The following DNM3 variants were observed in gnomAD, a reference collection of about 807,000 sequenced individuals.
DNM3 encodes dynamin 3.
Under a neutral mutation model 101.6 loss-of-function variants are expected in DNM3, and 47 were observed. The observed-to-expected ratio is 0.46, with a 90% CI of 0.37 to 0.59. DNM3 has a LOEUF of 0.59. Ranked by LOEUF, DNM3 falls within the 20% of genes least tolerant of loss-of-function variation. DNM3 has a pLI of 0.00. For missense variants in DNM3, 849 were observed against 1,085.7 expected (o/e 0.78, Z 3.06); for synonymous variants, 385 against 387.9 (o/e 0.99, Z 0.09).
chr1:172,213,854 A>T (rs946332108), intron 14 of DNM3, among the ~76,000 whole-genome samples: 5 of 152,032 alleles, frequency 3.3e-5, no homozygotes, highest in Non-Finnish European at 7.4e-5. Context: ...TATTGGCATC[A>T]GAGAAATTAA....
chr1:172,148,636 T>C (rs1341802712), intron 14 of DNM3, among the ~76,000 whole-genome samples: 2 of 152,138 alleles, frequency 1.3e-5, no homozygotes, highest in African/African-American at 4.8e-5. Flanking sequence ...AAGCAGGATC[T>C]AACCAAGTTG....
chr1:171,849,435 C>G lies in DNM3; in HGVS notation c.161+7618C>G, dbSNP rs12039068. 4.1e-4 allele frequency among the ~76,000 whole-genome samples: 63 copies of G among 152,300 alleles called. 1 individual carries two copies. The East Asian group carries it at 0.012, about 28-fold the overall frequency. On this transcript the variant is annotated intron_variant, in intron 1 of 20. Transcript: ENST00000627582. ...AGTATGCATTCAATAACTGATTGCTCTTAATTTAAATCTTTTATTTAGACT... is the reference window on the plus strand; with the variant it reads ...AGTATGCATTCAATAACTGATTGCTGTTAATTTAAATCTTTTATTTAGACT...
At chr1:172,021,013 C>T (rs1039191337) in intron 4 of DNM3, among the ~76,000 whole-genome samples, 8 of 152,192 alleles carry the variant, frequency 5.3e-5, no homozygotes, top group African/African-American at 1.9e-4. Flanking sequence ...TCACCTGTCT[C>T]TCCAAATTTT....
At chr1:172,365,240 C>T (rs1176201718) in intron 17 of DNM3, among the ~76,000 whole-genome samples, 1 of 151,784 alleles carries the variant, frequency 6.6e-6, no homozygotes, top group Non-Finnish European at 1.5e-5. Context: ...TAGGATTATA[C>T]ACTGAAATAT....
chr1:172,032,926 C>T (rs1157883595), intron 5 of DNM3, among the ~76,000 whole-genome samples, 179 bp from the exon 6 acceptor site: 4 of 152,050 alleles, frequency 2.6e-5, no homozygotes, highest in African/African-American at 9.7e-5. Context: ...TTATCGTGGG[C>T]TCAATCAGCA....
chr1:172,031,839 A>G (rs1404217199), intron 4 of DNM3, among the ~76,000 whole-genome samples: 2 of 152,014 alleles, frequency 1.3e-5, no homozygotes, highest in Non-Finnish European at 2.9e-5. Context: ...ATTAAATCAT[A>G]TTTCCTTTTC....
intron 4 of DNM3, among the ~76,000 whole-genome samples, chr1:171,994,717 CT>C (rs200447773): frequency 0.31 from 44,888 of 145,446 alleles, 9,795 homozygotes; most frequent in African/African-American, 0.64. Flanking sequence ...TTCTTTCTTT[CT>C]TTTTTTTTTT....
intron 17 of DNM3, among the ~76,000 whole-genome samples, chr1:172,344,956 A>G (rs960226078): frequency 1.6e-4 from 24 of 152,222 alleles, no homozygotes; most frequent in Non-Finnish European, 1.9e-4. Context: ...TATTCCATTA[A>G]GCATACTAGT....
intron 20 of DNM3, among the ~76,000 whole-genome samples, chr1:172,404,361 C>T (rs1455761278): frequency 6.6e-6 from 1 of 151,778 alleles, no homozygotes; most frequent in African/African-American, 2.4e-5. Context: ...GAAAAAAATA[C>T]AATACTATGA....
At chr1:171,982,554 C>G (rs893050769) in intron 2 of DNM3, among the ~76,000 whole-genome samples, 2 of 152,022 alleles carry the variant, frequency 1.3e-5, no homozygotes, top group Non-Finnish European at 2.9e-5. Flanking sequence ...ATAGGCTGGG[C>G]AGGTCTGAAC....
rs565477922 is a variant in DNM3, at chr1:172,317,512, A to G, written c.1882-5817A>G. 3.3e-4 allele frequency among the ~76,000 whole-genome samples: 51 copies of G among 152,300 alleles called. No individual in the cohort carries two copies. The East Asian group carries it at 7.9e-3, about 24-fold the overall frequency. On this transcript the variant is annotated intron_variant, in intron 16 of 20. Transcript: ENST00000627582. ...ACTAGCAAGACTAATAAAGAAAAAA[A>G]GAGAGAAGAATCAAATAGACGCAAT...
chr1:171,911,732 T>C (rs1244679520), intron 1 of DNM3, among the ~76,000 whole-genome samples: 2 of 152,180 alleles, frequency 1.3e-5, no homozygotes, highest in South Asian at 4.1e-4. Context: ...GCCCCATTTC[T>C]TCATCTGAAG....
intron 14 of DNM3, among the ~76,000 whole-genome samples, chr1:172,153,672 A>G (rs1182595749): frequency 6.6e-6 from 1 of 151,934 alleles, no homozygotes; most frequent in Non-Finnish European, 1.5e-5. Flanking sequence ...AATTGAGGTT[A>G]TTGGTAAAAA....
chr1:172,059,442 C>T (rs1252636198), intron 10 of DNM3, among the ~76,000 whole-genome samples: 2 of 113,906 alleles, frequency 1.8e-5, no homozygotes, highest in East Asian at 5.6e-4. Flanking sequence ...TGCAAAAATC[C>T]TCAATAAAAT....
chr1:172,061,974 C>T (rs550163805), intron 10 of DNM3, among the ~76,000 whole-genome samples: 134 of 152,120 alleles, frequency 8.8e-4, no homozygotes, highest in Non-Finnish European at 1.7e-3. Flanking sequence ...GGCTTTAGTG[C>T]CCAGGCTTCG....
At chr1:172,267,644 A>G (rs12135937) in intron 15 of DNM3, among the ~76,000 whole-genome samples, 1 of 151,880 alleles carries the variant, frequency 6.6e-6, no homozygotes, top group African/African-American at 2.4e-5. Flanking sequence ...TGCTTTGTAG[A>G]TAGCTACACT....
chr1:172,014,940 T>C (rs1158812698), intron 4 of DNM3, among the ~76,000 whole-genome samples: 1 of 152,154 alleles, frequency 6.6e-6, no homozygotes, highest in African/African-American at 2.4e-5. Context: ...ATTACCCACC[T>C]TGAGTTAATT....
intron 4 of DNM3, among the ~76,000 whole-genome samples, chr1:172,021,470 A>C (rs140690941): frequency 0.015 from 2,346 of 152,342 alleles, 31 homozygotes; most frequent in Non-Finnish European, 0.027. Context: ...AAAACAAAAC[A>C]AAACCAAAAC....
chr1:172,387,452 T>A, intron 19 of DNM3, 93 bp downstream of exon 19: 2 of 1,006,054 alleles, frequency 2.0e-6, no homozygotes, highest in Non-Finnish European at 3.0e-6. Context: ...GGTCAGGAGA[T>A]CGAGACCATC....
Sources: allele counts gnomAD v4.1 joint callset (sites outside exome capture counted in the v4.1 genomes callset), GRCh38; gene constraint gnomAD v4.1.1; transcripts MANE v1.5; gene names NCBI Gene and HGNC (gene_info 2026-07-23, HGNC 2026-07-21).